MGA: variants seen among roughly 807,000 people sequenced by gnomAD.
MGA encodes the protein MAX gene-associated protein.
A neutral mutation model predicts 261.1 loss-of-function variants in MGA; 40 were observed. The ratio of observed to expected loss-of-function variants is 0.15; its 90% CI spans 0.12 to 0.20. The LOEUF (loss-of-function observed/expected upper bound fraction) is 0.20. Ranked by LOEUF, MGA falls within the 10% of genes least tolerant of loss-of-function variation. MGA has a pLI of 1.00. For missense variants in MGA, 3,397 were observed against 3,630.5 expected (o/e 0.94, Z 1.65); for synonymous variants, 1,302 against 1,290.6 (o/e 1.01, Z -0.19).
intron 1 of MGA, among the ~76,000 whole-genome samples, chr15:41,631,827 C>A (rs1434120497): frequency 2.0e-5 from 3 of 151,932 alleles, no homozygotes; most frequent in Non-Finnish European, 4.4e-5. Flanking sequence ...TACATAAGCA[C>A]AAATAATAAT....
intron 9 of MGA, among the ~76,000 whole-genome samples, chr15:41,722,339 CA>C (rs1006599201): frequency 5.3e-5 from 8 of 152,018 alleles, no homozygotes; most frequent in African/African-American, 1.9e-4. Context: ...CCATGTTAGC[CA>C]AGATGGTCTC....
chr15:41,767,099 A>G lies in MGA; in HGVS notation c.9017A>G (p.Gln3006Arg). The G allele has an allele frequency of 6.2e-7, 1 of 1,614,036 alleles. No homozygotes were observed. The highest frequency in any genetic ancestry group is 1.7e-5 in the Admixed American group (1 of 60,024). The change falls in exon 24 of 24, where the codon CAG (glutamine) becomes CGG (arginine). Residue 3006 changes from glutamine to arginine, a missense_variant. Gln to Arg is a conservative substitution (Grantham distance 43). Around this residue, in one of 9 missense-constraint regions of MGA, gnomAD observed 647 missense variants for 642.4 expected, o/e 1.01. Coordinates refer to ENST00000219905, the MANE Select transcript of MGA (RefSeq NM_001164273.2). ...AATCCTTCCAGTGATGCAGATGGTC[A>G]GAGTCTCAAGGTGATGCCTTGTTTG... is the stretch of plus-strand genomic sequence containing the variant.
chr15:41,749,393 A>G lies in MGA; in HGVS notation c.5786A>G (p.Gln1929Arg), dbSNP rs2062703396. The G allele has an allele frequency of 6.2e-7, 1 of 1,613,920 alleles. No individual in the cohort carries two copies. Among genetic ancestry groups the G allele is most frequent in the Admixed American group, 1.7e-5 (1 of 59,996 alleles). The change falls in exon 17 of 24, where the codon CAG (glutamine) becomes CGG (arginine). Residue 1929 changes from glutamine to arginine, a missense_variant. By Grantham distance (43) the Gln-to-Arg change is conservative. Around this residue, in one of 9 missense-constraint regions of MGA, gnomAD observed 1,410 missense variants for 1,386.4 expected, o/e 1.02. Coordinates refer to ENST00000219905, the MANE Select transcript of MGA (RefSeq NM_001164273.2). ...AAAATAACTTATAGCTCAGGAGGACAGCCTGTTGGTACAGCCAGTCTTATT... is the reference window on the plus strand; with the variant it reads ...AAAATAACTTATAGCTCAGGAGGACGGCCTGTTGGTACAGCCAGTCTTATT...
At chr15:41,651,522 T>TC (rs942026164) in intron 1 of MGA, among the ~76,000 whole-genome samples, 4 of 152,010 alleles carry the variant, frequency 2.6e-5, no homozygotes, top group African/African-American at 4.8e-5. Context: ...TTCTTTTTTT[T>TC]CTTCCCTTTC....
intron 13 of MGA, among the ~76,000 whole-genome samples, chr15:41,737,888 G>C (rs2151810531): frequency 6.6e-6 from 1 of 152,182 alleles, no homozygotes; most frequent in Non-Finnish European, 1.5e-5. Context: ...GCTGAGGCAG[G>C]AGAATCATTT....
intron 2 of MGA, among the ~76,000 whole-genome samples, chr15:41,687,298 G>A (rs1371867023): frequency 6.6e-6 from 1 of 152,068 alleles, no homozygotes; most frequent in Non-Finnish European, 1.5e-5. Context: ...AGTTTTCAGT[G>A]ATTGGGGAAA....
At chr15:41,662,087 C>A (rs912868126) in intron 1 of MGA, among the ~76,000 whole-genome samples, 1 of 152,112 alleles carries the variant, frequency 6.6e-6, no homozygotes, top group Non-Finnish European at 1.5e-5. Flanking sequence ...CTTTTACTTT[C>A]CTGCGTATCG....
intron 1 of MGA, among the ~76,000 whole-genome samples, chr15:41,651,912 T>C: frequency 2.6e-5 from 2 of 77,702 alleles, no homozygotes; most frequent in African/African-American, 5.4e-5. Flanking sequence ...CCCTTTCCCT[T>C]CTCCACTCCT....
At position 41,762,292 on chromosome 15, in the gene MGA, T is replaced by C. The variant is rs774495720; in HGVS notation, c.7674T>C (p.Leu2558=). Residue 2558 remains leucine, a synonymous_variant, in exon 22 of 24, where the codon CTT becomes CTC. Coordinates refer to ENST00000219905, the MANE Select transcript of MGA (RefSeq NM_001164273.2). ...GATCTTCTGCATCATCTGTAGATCT[T>C]GGACAGATGTTTATAAATAACAGGA... 2.5e-6 allele frequency: 4 copies of C among 1,613,806 alleles called. No homozygotes were observed. In the Admixed American group the frequency reaches 6.7e-5, roughly 27 times the overall value.
intron 1 of MGA, among the ~76,000 whole-genome samples, chr15:41,636,214 C>T (rs1288098553): frequency 6.6e-6 from 1 of 152,054 alleles, no homozygotes; most frequent in East Asian, 1.9e-4. Context: ...TTGAAGCTCA[C>T]TGTAGCCTCC....
chr15:41,652,978 C>A (rs1022685663), intron 1 of MGA, among the ~76,000 whole-genome samples: 3 of 152,170 alleles, frequency 2.0e-5, no homozygotes, highest in South Asian at 4.1e-4. Flanking sequence ...ATAATCGCTA[C>A]AATTTATAAT....
Position 41,714,323 on chromosome 15 carries a change from A to G in MGA, c.3430+827A>G, listed in dbSNP as rs377101426. ...TTAGTTTTAATGGCTTCATGTTGTT[A>G]TAATCCCTTTGGTTGGATAGTTAGC... On this transcript the variant is annotated intron_variant, in intron 9 of 23. Coordinates refer to ENST00000219905, the MANE Select transcript of MGA (RefSeq NM_001164273.2). Among the ~76,000 whole-genome samples the G allele has an allele frequency of 6.6e-5, 10 of 152,340 alleles. No homozygotes were observed. The East Asian group carries it at 1.3e-3, about 21-fold the overall frequency.
chr15:41,743,240 T>C lies in MGA; in HGVS notation c.5212+68T>C, dbSNP rs1278531836. On this transcript the variant is annotated intron_variant, in intron 15 of 23. Coordinates refer to ENST00000219905, the MANE Select transcript of MGA (RefSeq NM_001164273.2). ...CTATTTATATAACTTTGTGGTTGTGTTAGGATTATAGATATATCAGGATAA... is the reference window on the plus strand; with the variant it reads ...CTATTTATATAACTTTGTGGTTGTGCTAGGATTATAGATATATCAGGATAA... 4.8e-6 allele frequency: 7 copies of C among 1,460,802 alleles called. No homozygotes were observed. The East Asian group carries it at 1.5e-4, about 31-fold the overall frequency. 90.5% of individuals were successfully genotyped at this position (1,460,802 alleles called of 1,614,324 possible).
chr15:41,632,920 T>C (rs898514145), intron 1 of MGA, among the ~76,000 whole-genome samples: 2 of 152,076 alleles, frequency 1.3e-5, no homozygotes, highest in Non-Finnish European at 2.9e-5. Context: ...CAGGAAACTT[T>C]ATATATAGAC....
chr15:41,754,327 T>A, intron 17 of MGA, 110 bp from the exon 18 acceptor site: 4 of 961,728 alleles, frequency 4.2e-6, no homozygotes, highest in Non-Finnish European at 6.0e-6. Context: ...ACTCATGATA[T>A]AACATGAATG....
intron 17 of MGA, 95 bp from the exon 18 acceptor site, chr15:41,754,342 G>T (rs962730149): frequency 6.3e-6 from 7 of 1,112,802 alleles, no homozygotes; most frequent in Non-Finnish European, 7.5e-6. Flanking sequence ...TGAATGTCTG[G>T]CATTAGTTGG....
rs2150954912 is a variant in MGA at position 41,670,034 on chromosome 15, T to C, written c.1064+76T>C. 3.5e-6 allele frequency: 4 copies of C among 1,157,960 alleles called. No individual in the cohort carries two copies. In the East Asian group the frequency reaches 9.7e-5, roughly 28 times the overall value. 71.7% of individuals were successfully genotyped at this position (1,157,960 alleles called of 1,614,324 possible). On this transcript the variant is annotated intron_variant, in intron 2 of 23. Coordinates refer to ENST00000219905, the MANE Select transcript of MGA (RefSeq NM_001164273.2). ...CCAGGTGTTGGATTTAACATCTTGG[T>C]TCTGTGGAATGCTACAGATGTTGAT...
chr15:41,656,749 T>C (rs2057208861), upstream of MGA, among the ~76,000 whole-genome samples: 1 of 152,070 alleles, frequency 6.6e-6, no homozygotes, highest in Non-Finnish European at 1.5e-5. Flanking sequence ...CTTTTAATAT[T>C]ACTATGCTGA....
At chr15:41,654,361 C>T (rs755961287) in intron 1 of MGA, among the ~76,000 whole-genome samples, 1 of 152,004 alleles carries the variant, frequency 6.6e-6, no homozygotes, top group Non-Finnish European at 1.5e-5. Flanking sequence ...GGTTTTTAAT[C>T]TGAAAATGAT....
Sources: allele counts gnomAD v4.1 joint callset (sites outside exome capture counted in the v4.1 genomes callset), GRCh38; gene constraint gnomAD v4.1.1; regional missense constraint gnomAD v4.1.1; transcripts MANE v1.5; gene names NCBI Gene and HGNC (gene_info 2026-07-23, HGNC 2026-07-21).